The following UTY variants were observed in gnomAD, a reference collection of about 807,000 sequenced individuals.
UTY encodes ubiquitously transcribed tetratricopeptide repeat containing, Y-linked, also known as histone demethylase UTY.
UTY carries 12 observed loss-of-function variants against 32.5 expected under a neutral mutation model. The ratio of observed to expected loss-of-function variants is 0.37; its 90% CI spans 0.24 to 0.60. The LOEUF (loss-of-function observed/expected upper bound fraction) is 0.60, where lower values mean the gene tolerates loss of function less well. Among genes scored for constraint, UTY ranks in the 20% least tolerant of loss-of-function variants. The pLI, the probability that UTY is intolerant of heterozygous loss-of-function variation, is 0.69. For synonymous variants in UTY, 131 were observed against 103.4 expected, an observed-to-expected ratio of 1.27 and a Z score of -1.62; for missense variants, 303 against 299.2, an observed-to-expected ratio of 1.01 and a Z score of -0.09.
At chrY:13,358,658 A>G in intron 13 of UTY, 39 bp from the exon 14 acceptor site, 1 of 315,920 alleles carries the variant, frequency 3.2e-6, no homozygotes, top group Non-Finnish European at 4.4e-6. Context: ...ATGGTTCTAC[A>G]TATTCCTAAT....
At chrY:13,340,485 C>A in intron 17 of UTY, among the ~76,000 whole-genome samples, 1 of 33,118 alleles carries the variant, frequency 3.0e-5, no homozygotes, top group African/African-American at 1.2e-4. Flanking sequence ...GACAACACCA[C>A]ACAGAGAGGA....
chrY:13,460,460 G>A, intron 3 of UTY, among the ~76,000 whole-genome samples: 1 of 33,406 alleles, frequency 3.0e-5, no homozygotes. Context: ...CCAACACTTC[G>A]GGAGGTCAGG....
At chrY:13,371,240 G>C (rs866755999) in intron 8 of UTY, among the ~76,000 whole-genome samples, 8 of 32,920 alleles carry the variant, frequency 2.4e-4, no homozygotes, top group African/African-American at 9.6e-4. Context: ...ACTTAGTAAT[G>C]AAAGTTCTAG....
intron 29 of UTY, 81 bp downstream of exon 29, chrY:13,250,936 C>A: frequency 3.1e-6 from 1 of 318,513 alleles, no homozygotes. Context: ...TTCTTCTTAA[C>A]ACATTTTTAT....
At chrY:13,269,594 AAAC>A (rs2056128197) in intron 27 of UTY, among the ~76,000 whole-genome samples, 3 of 31,711 alleles carry the variant, frequency 9.5e-5, no homozygotes, top group Non-Finnish European at 2.3e-4. Context: ...AAACAAAACA[AAAC>A]AAAACAAAAC....
rs2053991291 is a variant in UTY, at chrY:13,248,920, T to C, written c.*936A>G. On this transcript the variant is annotated 3_prime_UTR_variant, in exon 30 of 30. Coordinates refer to ENST00000545955, the MANE Select transcript of UTY (RefSeq NM_001258249.2). ...ACAATTATATATCGAGGTTTCTGTA[T>C]ATATTATACATGTGTGTACACATAC... is the stretch of plus-strand genomic sequence containing the variant. The C allele has an allele frequency of 2.6e-5, 1 of 38,671 alleles. No homozygotes were observed. Among genetic ancestry groups the C allele is most frequent in the Non-Finnish European group, 6.1e-5 (1 of 16,276 alleles). The allele number at this position is 38,671 out of a possible 400,897, so 9.6% of individuals were successfully genotyped here. A position where few individuals can be genotyped will look rare whatever the true frequency, so the allele number is the denominator to read the frequency against.
chrY:13,374,812 G>GAT (rs2065261021), intron 8 of UTY, among the ~76,000 whole-genome samples: 6 of 33,259 alleles, frequency 1.8e-4, no homozygotes, highest in African/African-American at 7.0e-4. Context: ...AGGATATACA[G>GAT]ATATATATAT....
rs762069337 is a variant in UTY, at chrY:13,342,655, C to T, written c.2062-6320G>A. ...GAAGGCTTTCATGCCACGAAGTGGC[C>T]GCTGTGTCCTGTTGCAGTACATAGA... On this transcript the variant is annotated intron_variant, in intron 17 of 29. Coordinates refer to ENST00000545955, the MANE Select transcript of UTY (RefSeq NM_001258249.2). Among the ~76,000 whole-genome samples, 6 of 34,403 alleles carry T rather than the reference C, an allele frequency of 1.7e-4. No homozygotes were observed. In the South Asian group the frequency reaches 3.8e-3, roughly 22 times the overall value. 92.3% of individuals were successfully genotyped at this position (34,403 alleles called of 37,273 possible).
chrY:13,279,417 T>C (rs759796012), intron 27 of UTY, among the ~76,000 whole-genome samples: 3 of 32,977 alleles, frequency 9.1e-5, no homozygotes, highest in East Asian at 8.1e-4. Context: ...TGCCAGGTAA[T>C]TTTTTTATTT....
chrY:13,447,528 C>G (rs2076025450), intron 4 of UTY, among the ~76,000 whole-genome samples: 1 of 33,666 alleles, frequency 3.0e-5, no homozygotes, highest in Non-Finnish European at 7.4e-5. Context: ...ACTGTGGTAT[C>G]TTTGAAATAA....
At chrY:13,426,910 A>G (rs2073371855) in intron 4 of UTY, among the ~76,000 whole-genome samples, 1 of 33,727 alleles carries the variant, frequency 3.0e-5, no homozygotes, top group Non-Finnish European at 7.4e-5. Context: ...GCTTAAAAAA[A>G]GGACAAATTC....
downstream of UTY, among the ~76,000 whole-genome samples, chrY:13,245,384 C>T: frequency 3.0e-5 from 1 of 33,863 alleles, no homozygotes. Context: ...ACAAGGTGGA[C>T]TTGTACTCTC....
intron 24 of UTY, chrY:13,304,047 G>T: frequency 1.0e-5 from 1 of 98,143 alleles, no homozygotes; most frequent in South Asian, 4.9e-5. Context: ...CTGAGTTGAG[G>T]TGGAAATTTT....
At chrY:13,322,343 T>C in intron 21 of UTY, among the ~76,000 whole-genome samples, 5 of 33,704 alleles carry the variant, frequency 1.5e-4, no homozygotes, top group Admixed American at 1.4e-3. Flanking sequence ...TGGAGTGCAG[T>C]GGCACAATCT....
chrY:13,462,537 G>A (rs2077469592), intron 3 of UTY, among the ~76,000 whole-genome samples: 1 of 32,997 alleles, frequency 3.0e-5, no homozygotes, highest in Non-Finnish European at 7.5e-5. Flanking sequence ...CAAAAAACAC[G>A]GGATTCTGTG....
chrY:13,326,429 G>A, intron 18 of UTY, 79 bp from the exon 19 acceptor site: 1 of 279,450 alleles, frequency 3.6e-6, no homozygotes, highest in African/African-American at 7.4e-5. Flanking sequence ...TGAATTAAAA[G>A]TCAGGCATAA....
At chrY:13,464,350 A>C in intron 3 of UTY, among the ~76,000 whole-genome samples, 1 of 33,908 alleles carries the variant, frequency 2.9e-5, no homozygotes, top group African/African-American at 1.2e-4. Flanking sequence ...ACTCCCAGCT[A>C]ATGTTAGAAG....
chrY:13,274,060 A>G, intron 27 of UTY, among the ~76,000 whole-genome samples: 2 of 32,160 alleles, frequency 6.2e-5, no homozygotes, highest in African/African-American at 1.2e-4. Flanking sequence ...CATTCTAAAA[A>G]CAACTGGCTT....
chrY:13,466,121 A>G, intron 3 of UTY, among the ~76,000 whole-genome samples: 1 of 33,484 alleles, frequency 3.0e-5, no homozygotes, highest in Non-Finnish European at 7.4e-5. Context: ...AAGAAACTGT[A>G]TATTTAAGAA....
Sources: allele counts gnomAD v4.1 joint callset (sites outside exome capture counted in the v4.1 genomes callset), GRCh38; gene constraint gnomAD v4.1.1; transcripts MANE v1.5; gene names NCBI Gene and HGNC (gene_info 2026-07-23, HGNC 2026-07-21).